Variants in TBC1D22A observed in about 807,000 individuals in gnomAD.
The protein encoded by TBC1D22A is putative GTPase activator.
Under a neutral mutation model 60.2 loss-of-function variants are expected in TBC1D22A, and 38 were observed. That is an observed-to-expected ratio of 0.63 (90% CI 0.49 to 0.83). The LOEUF is 0.83. Ranked by LOEUF, TBC1D22A falls within the 40% of genes least tolerant of loss-of-function variation. TBC1D22A has a pLI of 0.00. For missense variants in TBC1D22A, 628 were observed against 701.0 expected (o/e 0.90, Z 1.18); for synonymous variants, 302 against 281.7 (o/e 1.07, Z -0.72).
chr22:47,067,688 A>G (rs574538887), intron 11 of TBC1D22A, among the ~76,000 whole-genome samples: 1 of 152,312 alleles, frequency 6.6e-6, no homozygotes, highest in African/African-American at 2.4e-5. Context: ...CTGGGGATGG[A>G]TGCCACAGCC....
At chr22:47,100,592 G>A (rs1333165302) in intron 11 of TBC1D22A, among the ~76,000 whole-genome samples, 1 of 152,144 alleles carries the variant, frequency 6.6e-6, no homozygotes, top group Non-Finnish European at 1.5e-5. Flanking sequence ...CCTGAGATCC[G>A]ATGGTTTTAA....
At chr22:47,089,278 C>G (rs1426268822) in intron 11 of TBC1D22A, among the ~76,000 whole-genome samples, 2 of 152,158 alleles carry the variant, frequency 1.3e-5, no homozygotes, top group Admixed American at 6.5e-5. Flanking sequence ...GTTGTTGTCT[C>G]TGAGAGAAGC....
At chr22:46,787,932 C>CTTT (rs547496103) in intron 1 of TBC1D22A, among the ~76,000 whole-genome samples, 6 of 107,136 alleles carry the variant, frequency 5.6e-5, no homozygotes, top group African/African-American at 1.8e-4. Flanking sequence ...GGGCAGGCTA[C>CTTT]TTTTTTTTTT....
rs114565873 is a variant in TBC1D22A at position 46,998,464 on chromosome 22, C to T, written c.1201+755C>T. ...GCTCTTTCACAAAGAGTCCCATGCG[C>T]GCTTGGCAAATTATTTCACAGAATG... On this transcript the variant is annotated intron_variant, in intron 10 of 12. Coordinates refer to ENST00000337137, the MANE Select transcript of TBC1D22A (RefSeq NM_014346.5). Among the ~76,000 whole-genome samples, 833 of 152,278 alleles carry T rather than the reference C, an allele frequency of 5.5e-3. 8 individuals carry two copies. Among genetic ancestry groups the T allele is most frequent in the African/African-American group, 0.018 (748 of 41,544 alleles).
At chr22:46,992,005 G>T (rs1016395751) in intron 9 of TBC1D22A, among the ~76,000 whole-genome samples, 1 of 152,204 alleles carries the variant, frequency 6.6e-6, no homozygotes, top group African/African-American at 2.4e-5. Context: ...CCAGGTCCTC[G>T]TTAGCAGTCA....
At chr22:47,087,281 A>G (rs958509766) in intron 11 of TBC1D22A, among the ~76,000 whole-genome samples, 41 of 152,392 alleles carry the variant, frequency 2.7e-4, no homozygotes, top group African/African-American at 9.9e-4. Context: ...ACAAAGGGTC[A>G]GATCTGAAGC....
chr22:46,907,614 T>TCGCCTCCACGATCTG (rs2069584277), intron 7 of TBC1D22A, among the ~76,000 whole-genome samples: 1 of 152,062 alleles, frequency 6.6e-6, no homozygotes, highest in African/African-American at 2.4e-5. Context: ...TCCACCATCC[T>TCGCCTCCACGATCTG]CGCCTCCACC....
intron 7 of TBC1D22A, among the ~76,000 whole-genome samples, chr22:46,907,480 C>T (rs1253927293): frequency 6.6e-6 from 1 of 152,214 alleles, no homozygotes; most frequent in Non-Finnish European, 1.5e-5. Context: ...TCTGTCCACA[C>T]AGACCCCCAG....
At chr22:46,994,545 C>G (rs1233411576) in intron 9 of TBC1D22A, among the ~76,000 whole-genome samples, 1 of 152,238 alleles carries the variant, frequency 6.6e-6, no homozygotes, top group Non-Finnish European at 1.5e-5. Flanking sequence ...AGGGACGTGG[C>G]CTCTCTTGGA....
chr22:47,116,972 C>T (rs1445487978), intron 12 of TBC1D22A: 1 of 152,556 alleles, frequency 6.6e-6, no homozygotes, highest in Non-Finnish European at 1.5e-5. Flanking sequence ...GGGGCAGGTG[C>T]ATGAAGGGAC....
At chr22:47,115,171 CA>C (rs1324342411) in intron 12 of TBC1D22A, among the ~76,000 whole-genome samples, 24 of 138,602 alleles carry the variant, frequency 1.7e-4, no homozygotes, top group Non-Finnish European at 4.6e-5. Flanking sequence ...CGCTGGGCCC[CA>C]GGAGGTGTGT....
chr22:46,868,393 C>T (rs954263152), intron 4 of TBC1D22A, among the ~76,000 whole-genome samples: 9 of 151,980 alleles, frequency 5.9e-5, no homozygotes, highest in Admixed American at 5.9e-4. Flanking sequence ...ATATATGAAC[C>T]ATAAATGAAT....
chr22:47,041,266 C>T (rs1000003756), intron 11 of TBC1D22A, among the ~76,000 whole-genome samples: 1 of 152,180 alleles, frequency 6.6e-6, no homozygotes, highest in Non-Finnish European at 1.5e-5. Context: ...CATCACTGCC[C>T]GCGCTCCTCA....
Position 47,012,119 on chromosome 22 carries a change from A to G in TBC1D22A, c.1201+14410A>G, listed in dbSNP as rs189254403. The stretch of plus-strand genomic sequence containing the variant: ...AGCAATCGACCATCGTGCTGGGAGG[A>G]GAGGCTGTGTTTCCTCTTTGGAAGA... On this transcript the variant is annotated intron_variant, in intron 10 of 12. Transcript: ENST00000337137. 9.2e-4 allele frequency among the ~76,000 whole-genome samples: 139 copies of G among 151,886 alleles called. 2 individuals carry two copies. In the East Asian group the frequency reaches 0.025, roughly 27 times the overall value.
At chr22:46,816,302 TGCCGGGCCTGGCTCAGG>T (rs1038188655) in intron 4 of TBC1D22A, among the ~76,000 whole-genome samples, 1 of 152,180 alleles carries the variant, frequency 6.6e-6, no homozygotes, top group African/African-American at 2.4e-5. Context: ...TTGGGCTTGG[TGCCGGGCCTGGCTCAGG>T]GCCATGCTTG....
intron 1 of TBC1D22A, among the ~76,000 whole-genome samples, chr22:46,782,061 C>A (rs571237345): frequency 1.2e-3 from 185 of 152,244 alleles, no homozygotes; most frequent in Middle Eastern, 3.4e-3. Flanking sequence ...ACTTCTTCTT[C>A]TTATTATTAT....
At chr22:46,845,639 C>A (rs530517118) in intron 4 of TBC1D22A, among the ~76,000 whole-genome samples, 1 of 152,160 alleles carries the variant, frequency 6.6e-6, no homozygotes, top group Admixed American at 6.5e-5. Flanking sequence ...TCATATCTAT[C>A]ATTTAATTGT....
At chr22:47,144,405 C>T (rs922187769) in intron 12 of TBC1D22A, among the ~76,000 whole-genome samples, 17 of 152,184 alleles carry the variant, frequency 1.1e-4, no homozygotes, top group Admixed American at 6.5e-5. Flanking sequence ...GAAGTGAGAC[C>T]ACTTCTACCA....
At chr22:46,854,035 G>A (rs1040196599) in intron 4 of TBC1D22A, among the ~76,000 whole-genome samples, 4 of 152,066 alleles carry the variant, frequency 2.6e-5, no homozygotes, top group Non-Finnish European at 2.9e-5. Context: ...CCTGTGAGTG[G>A]ACTCTTTCTC....
Sources: allele counts gnomAD v4.1 joint callset (sites outside exome capture counted in the v4.1 genomes callset), GRCh38; gene constraint gnomAD v4.1.1; transcripts MANE v1.5; gene names NCBI Gene and HGNC (gene_info 2026-07-23, HGNC 2026-07-21).